CLASP1: variants seen among roughly 807,000 people sequenced by gnomAD.
CLASP1 encodes cytoplasmic linker associated protein 1.
CLASP1 carries 38 observed loss-of-function variants against 192.3 expected under a neutral mutation model. The observed-to-expected ratio is 0.20, with a 90% CI of 0.15 to 0.26. The LOEUF is 0.26. Among genes scored for constraint, CLASP1 ranks in the 10% least tolerant of loss-of-function variants. The pLI is 1.00. For synonymous variants in CLASP1, 691 were observed against 712.8 expected (o/e 0.97, Z 0.49); for missense variants, 1,433 against 1,932.5 (o/e 0.74, Z 4.85).
At chr2:121,557,421 T>TAAAG (rs1553629760) in intron 2 of CLASP1, among the ~76,000 whole-genome samples, 2 of 149,740 alleles carry the variant, frequency 1.3e-5, no homozygotes, top group Non-Finnish European at 3.0e-5. Flanking sequence ...CCATCTCTAC[T>TAAAG]AAAAATACAA....
At chr2:121,525,995 G>T in intron 5 of CLASP1, 75 bp from the exon 6 acceptor site, 1 of 1,048,666 alleles carries the variant, frequency 9.5e-7, no homozygotes. Context: ...GCCCACACCT[G>T]CCCTTCCCGT....
chr2:121,411,189 GGT>G (rs1030378153), intron 23 of CLASP1, among the ~76,000 whole-genome samples: 9 of 152,126 alleles, frequency 5.9e-5, no homozygotes, highest in Admixed American at 5.9e-4. Context: ...GTTCAAACAT[GGT>G]ATTTTATTAT....
At chr2:121,375,752 T>C (rs1031893295) in intron 34 of CLASP1, among the ~76,000 whole-genome samples, 3 of 152,170 alleles carry the variant, frequency 2.0e-5, no homozygotes, top group Non-Finnish European at 4.4e-5. Flanking sequence ...TGCTGAGCAG[T>C]GGCCATACTC....
At chr2:121,468,352 A>C (rs1229810703) in intron 9 of CLASP1, among the ~76,000 whole-genome samples, 1 of 152,200 alleles carries the variant, frequency 6.6e-6, no homozygotes, top group Non-Finnish European at 1.5e-5. Flanking sequence ...CACTAAATCT[A>C]TAATTGCTTT....
chr2:121,432,591 A>G (rs2081621278), intron 19 of CLASP1, among the ~76,000 whole-genome samples: 2 of 152,114 alleles, frequency 1.3e-5, no homozygotes, highest in Non-Finnish European at 2.9e-5. Context: ...GCTTTATAAT[A>G]TTGGTCTTCT....
intron 2 of CLASP1, among the ~76,000 whole-genome samples, chr2:121,585,526 A>G (rs762306659): frequency 6.6e-6 from 1 of 152,162 alleles, no homozygotes. Flanking sequence ...TAAACAGGGT[A>G]TATCTAATTT....
At chr2:121,346,289 AC>A (rs2063444335) in intron 39 of CLASP1, among the ~76,000 whole-genome samples, 1 of 152,110 alleles carries the variant, frequency 6.6e-6, no homozygotes, top group Non-Finnish European at 1.5e-5. Context: ...CCAAGGCCTC[AC>A]CCCTTCACCA....
rs572952399 is a variant in CLASP1 at position 121,420,538 on chromosome 2, A to G, written c.2213-1809T>C. Reference sequence around the variant, plus strand: ...GGCCTCTTTGGGTCTCAAGCCTCCCATTAGGAAAACGAGGAAAAAGAACAC... The same window carrying G: ...GGCCTCTTTGGGTCTCAAGCCTCCCGTTAGGAAAACGAGGAAAAAGAACAC... On this transcript the variant is annotated intron_variant, in intron 22 of 39. Coordinates refer to ENST00000263710, the Ensembl canonical transcript of CLASP1. Among the ~76,000 whole-genome samples, 4 of 152,276 alleles carry G rather than the reference A, an allele frequency of 2.6e-5. No homozygotes were observed. The South Asian group carries it at 8.3e-4, about 32-fold the overall frequency.
chr2:121,416,230 T>C (rs2078550076), intron 23 of CLASP1, among the ~76,000 whole-genome samples: 1 of 152,180 alleles, frequency 6.6e-6, no homozygotes, highest in African/African-American at 2.4e-5. Context: ...CACCCAACAC[T>C]GGAATCCAAG....
intron 2 of CLASP1, among the ~76,000 whole-genome samples, chr2:121,557,266 C>A (rs1427232217): frequency 6.6e-6 from 1 of 152,114 alleles, no homozygotes; most frequent in Non-Finnish European, 1.5e-5. Context: ...AAAGCAGTGG[C>A]TTCTGAACTT....
intron 34 of CLASP1, 88 bp from the exon 36 acceptor site, chr2:121,367,919 T>C: frequency 6.6e-7 from 1 of 1,524,308 alleles, no homozygotes; most frequent in Non-Finnish European, 8.8e-7. Context: ...AGGCCAGAGA[T>C]TTTCACTTGA....
In CLASP1 at chr2:121,638,280, T is replaced by C. The variant is rs1354938385; in HGVS notation, c.-286+11092A>G. 3.9e-5 allele frequency among the ~76,000 whole-genome samples: 6 copies of C among 152,020 alleles called. No homozygotes were observed. In the East Asian group the frequency reaches 1.2e-3, roughly 29 times the overall value. On this transcript the variant is annotated intron_variant, in intron 1 of 39. Coordinates refer to ENST00000263710, the Ensembl canonical transcript of CLASP1. ...TTAAGATACTACTTATATTATAGAA[T>C]GGTTATAATAAAAATAAAAATTAAA...
chr2:121,398,344 T>C, exon 29 of CLASP1: 1 of 1,599,810 alleles, frequency 6.3e-7, no homozygotes, highest in Non-Finnish European at 8.5e-7. Context: ...AGTTTGAGTT[T>C]GATCCACAAT....
intron 26 of CLASP1, 134 bp from the exon 28 acceptor site, chr2:121,402,004 C>G: frequency 2.2e-6 from 1 of 452,694 alleles, no homozygotes; most frequent in Non-Finnish European, 4.3e-6. Context: ...AATATTCTCT[C>G]CTCCATCAAT....
At chr2:121,368,581 C>A (rs2067921917) in intron 34 of CLASP1, among the ~76,000 whole-genome samples, 1 of 152,114 alleles carries the variant, frequency 6.6e-6, no homozygotes, top group Admixed American at 6.5e-5. Context: ...CTGTGGGGCA[C>A]ACCACTGGTC....
chr2:121,515,587 C>G, intron 7 of CLASP1, 78 bp downstream of exon 7: 1 of 912,044 alleles, frequency 1.1e-6, no homozygotes, highest in South Asian at 1.4e-5. Flanking sequence ...AAAAGTATTG[C>G]AAATCAAGAT....
At chr2:121,407,543 C>G in exon 25 of CLASP1, 1 of 1,614,022 alleles carries the variant, frequency 6.2e-7, no homozygotes, top group Non-Finnish European at 8.5e-7. Flanking sequence ...CCAGTTTGAA[C>G]TAGCACAGTG....
intron 37 of CLASP1, among the ~76,000 whole-genome samples, 200 bp from the exon 39 acceptor site, chr2:121,348,918 G>A (rs1014278526): frequency 4.6e-5 from 7 of 152,136 alleles, no homozygotes; most frequent in African/African-American, 1.7e-4. Flanking sequence ...GGAAAGGCAG[G>A]TCTAGGGGAT....
At chr2:121,411,331 T>G (rs1407591292) in intron 23 of CLASP1, among the ~76,000 whole-genome samples, 2 of 152,244 alleles carry the variant, frequency 1.3e-5, no homozygotes, top group Non-Finnish European at 2.9e-5. Context: ...TCAAACTAAT[T>G]AGAAAGCTTC....
Sources: gnomAD v4.1 joint callset for allele counts (sites outside exome capture counted in the v4.1 genomes callset) on GRCh38, gnomAD v4.1.1 for gene constraint, MANE v1.5 for transcripts, NCBI Gene and HGNC (gene_info 2026-07-23, HGNC 2026-07-21) for gene names.